The following NAV2 variants were observed in gnomAD, a reference collection of about 807,000 sequenced individuals.
NAV2 encodes the protein neuron navigator 2, also known as helicase, APC down-regulated 1.
In NAV2, 54 loss-of-function variants were observed where a neutral mutation model predicts 223.2. The ratio of observed to expected loss-of-function variants is 0.24; its 90% CI spans 0.19 to 0.30. The LOEUF (loss-of-function observed/expected upper bound fraction) is 0.30, where lower values mean the gene tolerates loss of function less well. NAV2 is among the 10% of genes least tolerant of loss of function. The probability of loss-of-function intolerance (pLI) is 1.00; values close to 1 mark genes in which losing one functional copy is unlikely to be tolerated. For missense variants in NAV2, 2,806 were observed against 3,147.5 expected (o/e 0.89, Z 2.60); for synonymous variants, 1,279 against 1,239.3 (o/e 1.03, Z -0.67).
chr11:19,878,917 G>A (rs550841671), intron 4 of NAV2, among the ~76,000 whole-genome samples: 37 of 152,114 alleles, frequency 2.4e-4, no homozygotes, highest in African/African-American at 8.0e-4. Context: ...CTTGCTTCAC[G>A]TCTGCCTTTT....
At chr11:20,111,580 T>A (rs895871479) in intron 36 of NAV2, among the ~76,000 whole-genome samples, 16 of 152,254 alleles carry the variant, frequency 1.1e-4, no homozygotes, top group African/African-American at 3.1e-4. Context: ...TGCTTCCCTT[T>A]GGAGCTGTCA....
rs540733388 is a variant in NAV2 at position 19,976,047 on chromosome 11, G to C, written c.2646-8078G>C. Among the ~76,000 whole-genome samples the C allele has an allele frequency of 4.4e-4, 67 of 152,238 alleles. No individual in the cohort carries two copies. The South Asian group carries it at 0.013, about 31-fold the overall frequency. ...TGAAATATTGCATATACTCTATAGCGTGCAAAAACATAGGAATCAGAAAGA... is the reference window on the plus strand; with the variant it reads ...TGAAATATTGCATATACTCTATAGCCTGCAAAAACATAGGAATCAGAAAGA... On this transcript the variant is annotated intron_variant, in intron 10 of 37. Transcript: ENST00000349880.
intron 1 of NAV2, among the ~76,000 whole-genome samples, chr11:19,726,301 C>T (rs1397176919): frequency 1.3e-5 from 2 of 152,220 alleles, no homozygotes; most frequent in Admixed American, 1.3e-4. Context: ...TTTCACTCCC[C>T]TGTCCTGTTC....
At chr11:19,726,147 T>C (rs1209458033) in intron 1 of NAV2, among the ~76,000 whole-genome samples, 6 of 152,256 alleles carry the variant, frequency 3.9e-5, no homozygotes, top group African/African-American at 1.4e-4. Context: ...AAAAATCCCT[T>C]CAGTGGTTTA....
At chr11:19,770,025 C>T (rs1012715145) in intron 1 of NAV2, among the ~76,000 whole-genome samples, 4 of 151,956 alleles carry the variant, frequency 2.6e-5, no homozygotes, top group Non-Finnish European at 5.9e-5. Flanking sequence ...CTCACCCCCA[C>T]CAAACCACAA....
intron 1 of NAV2, among the ~76,000 whole-genome samples, chr11:19,432,197 CAAAAA>C (rs35019617): frequency 7.0e-5 from 9 of 129,374 alleles, no homozygotes; most frequent in African/African-American, 5.9e-5. Flanking sequence ...AAACTCCGAC[CAAAAA>C]AAAAAAAAAA....
intron 19 of NAV2, among the ~76,000 whole-genome samples, chr11:20,061,398 C>T (rs1485842488): frequency 6.6e-6 from 1 of 151,334 alleles, no homozygotes; most frequent in Non-Finnish European, 1.5e-5. Flanking sequence ...GGAGAAACCC[C>T]ATCTCTACTA....
chr11:19,729,273 A>G (rs1432459199), intron 1 of NAV2, among the ~76,000 whole-genome samples: 1 of 152,200 alleles, frequency 6.6e-6, no homozygotes. Context: ...GTTTGAATGC[A>G]TGCAAGATCC....
intron 1 of NAV2, among the ~76,000 whole-genome samples, chr11:19,719,784 A>C (rs1326360262): frequency 3.3e-5 from 5 of 152,220 alleles, no homozygotes; most frequent in Admixed American, 3.3e-4. Flanking sequence ...CGTCATCCAA[A>C]GAAGTCATAT....
chr11:19,616,630 G>A (rs2046803805), intron 1 of NAV2, among the ~76,000 whole-genome samples: 1 of 152,074 alleles, frequency 6.6e-6, no homozygotes, highest in Middle Eastern at 3.4e-3. Context: ...GTGCCCTGAT[G>A]ATGGGGAGGA....
intron 22 of NAV2, among the ~76,000 whole-genome samples, chr11:20,070,521 A>G (rs2059333433): frequency 6.6e-6 from 1 of 152,160 alleles, no homozygotes; most frequent in Non-Finnish European, 1.5e-5. Flanking sequence ...ATATTATTCC[A>G]GAAGAGTGTT....
intron 1 of NAV2, among the ~76,000 whole-genome samples, chr11:19,695,888 A>AATAAAATAAAATAAAATAAT (rs1554998223): frequency 1.0e-4 from 13 of 124,982 alleles, no homozygotes; most frequent in Non-Finnish European, 1.7e-4. Context: ...TGGATGAAAT[A>AATAAAATAAAATAAAATAAT]ATAAAATAAA....
rs186338186 is a variant in NAV2, at chr11:19,501,279, T to C, written c.75+150252T>C. ...TTTAATTACATTTGCACAGTCCCTT[T>C]TGCGTGTAATATATTCACAGATTCC... On this transcript the variant is annotated intron_variant, in intron 1 of 37. Transcript: ENST00000360655. Among the ~76,000 whole-genome samples the C allele has an allele frequency of 1.9e-3, 295 of 152,328 alleles. 1 individual carries two copies. Among genetic ancestry groups the C allele is most frequent in the Middle Eastern group, 3.4e-3 (1 of 294 alleles).
At chr11:19,531,179 A>T (rs1418140799) in intron 1 of NAV2, among the ~76,000 whole-genome samples, 1 of 152,220 alleles carries the variant, frequency 6.6e-6, no homozygotes, top group Non-Finnish European at 1.5e-5. Context: ...GACAGATAAA[A>T]TCTTTGCCTT....
At chr11:19,975,565 G>A (rs4572121) in intron 10 of NAV2, among the ~76,000 whole-genome samples, 8,004 of 152,240 alleles carry the variant, frequency 0.053, 680 homozygotes, top group African/African-American at 0.18. Context: ...AACCTTGGTA[G>A]CCTGTTTCAC....
chr11:20,039,246 C>G (rs751275912), intron 12 of NAV2, among the ~76,000 whole-genome samples: 1 of 152,246 alleles, frequency 6.6e-6, no homozygotes, highest in Non-Finnish European at 1.5e-5. Context: ...ACTAAGCACT[C>G]TCTCCGAGCC....
chr11:19,828,352 C>T (rs1036739821), intron 1 of NAV2, among the ~76,000 whole-genome samples: 3 of 152,230 alleles, frequency 2.0e-5, no homozygotes, highest in African/African-American at 4.8e-5. Context: ...TCCCTTTCCT[C>T]CCTCTGCCCA....
chr11:19,931,468 C>T lies in NAV2; in HGVS notation c.932-1708C>T, dbSNP rs2045329543. On this transcript the variant is annotated intron_variant, in intron 6 of 37. Transcript: ENST00000349880. The stretch of plus-strand genomic sequence containing the variant: ...GTTCCTTTACTGTGAGCTCTCACGG[C>T]ACGGTGCTCACGCCCCACACAGGGG... Among the ~76,000 whole-genome samples the T allele has an allele frequency of 1.3e-5, 2 of 152,192 alleles. 1 individual carries two copies. Among genetic ancestry groups the T allele is most frequent in the South Asian group, 4.1e-4 (2 of 4,828 alleles).
At chr11:19,949,720 A>G (rs962863222) in intron 10 of NAV2, among the ~76,000 whole-genome samples, 10 of 152,186 alleles carry the variant, frequency 6.6e-5, no homozygotes, top group African/African-American at 1.9e-4. Flanking sequence ...TAGCCTGATT[A>G]TGTGTATATC....
Sources: gnomAD v4.1 joint callset for allele counts (sites outside exome capture counted in the v4.1 genomes callset) on GRCh38, gnomAD v4.1.1 for gene constraint, MANE v1.5 for transcripts, NCBI Gene and HGNC (gene_info 2026-07-23, HGNC 2026-07-21) for gene names.